RPS6KA2: variants seen among roughly 807,000 people sequenced by gnomAD.
The protein encoded by RPS6KA2 is ribosomal protein S6 kinase alpha-2.
Under a neutral mutation model 91.8 loss-of-function variants are expected in RPS6KA2, and 42 were observed. The observed-to-expected ratio is 0.46, with a 90% CI of 0.36 to 0.59. The LOEUF is 0.59. Ranked by LOEUF, RPS6KA2 falls within the 20% of genes least tolerant of loss-of-function variation. The pLI is 0.00. For synonymous variants in RPS6KA2, 414 were observed against 393.6 expected, an observed-to-expected ratio of 1.05 and a Z score of -0.61; for missense variants, 798 against 978.5, an observed-to-expected ratio of 0.82 and a Z score of 2.46.
chr6:166,607,067 G>A (rs1431713228), intron 1 of RPS6KA2, among the ~76,000 whole-genome samples: 7 of 151,684 alleles, frequency 4.6e-5, no homozygotes, highest in East Asian at 1.9e-4. Flanking sequence ...GCTTGAACCC[G>A]GGATGCAGAG....
intron 16 of RPS6KA2, among the ~76,000 whole-genome samples, chr6:166,426,118 C>T (rs1247378769): frequency 6.6e-6 from 1 of 152,126 alleles, no homozygotes; most frequent in Non-Finnish European, 1.5e-5. Context: ...GACCACAGTG[C>T]AATCAAACTA....
At chr6:166,506,099 A>G (rs1046163756) in intron 5 of RPS6KA2, among the ~76,000 whole-genome samples, 2 of 151,318 alleles carry the variant, frequency 1.3e-5, no homozygotes, top group Non-Finnish European at 3.0e-5. Flanking sequence ...CGTACTTGCT[A>G]AATGACGACC....
chr6:166,606,700 C>T (rs1027261730), intron 1 of RPS6KA2, among the ~76,000 whole-genome samples: 1 of 152,172 alleles, frequency 6.6e-6, no homozygotes, highest in Non-Finnish European at 1.5e-5. Context: ...TGTGACATTT[C>T]TCCAAAAACA....
At chr6:166,608,741 T>C (rs1786046660) in intron 1 of RPS6KA2, among the ~76,000 whole-genome samples, 1 of 152,194 alleles carries the variant, frequency 6.6e-6, no homozygotes, top group African/African-American at 2.4e-5. Flanking sequence ...AAAGAAAGAC[T>C]TTCTCAACTT....
intron 2 of RPS6KA2, among the ~76,000 whole-genome samples, chr6:166,837,734 C>G (rs1465926538): frequency 6.6e-6 from 1 of 152,220 alleles, no homozygotes; most frequent in Non-Finnish European, 1.5e-5. Context: ...GCCACCTGGC[C>G]GCCCTGCTCC....
intron 10 of RPS6KA2, among the ~76,000 whole-genome samples, chr6:166,486,622 C>T (rs533349744): frequency 6.6e-6 from 1 of 152,368 alleles, no homozygotes; most frequent in Non-Finnish European, 1.5e-5. Context: ...TTTCCACAGA[C>T]ACCAGCATGG....
chr6:166,782,159 G>C (rs996816467), intron 2 of RPS6KA2, among the ~76,000 whole-genome samples: 14 of 152,104 alleles, frequency 9.2e-5, no homozygotes, highest in African/African-American at 3.4e-4. Context: ...AGGTGTAGTG[G>C]TGAGCGCCTG....
At chr6:166,506,555 C>T (rs1782232374) in intron 5 of RPS6KA2, among the ~76,000 whole-genome samples, 1 of 152,204 alleles carries the variant, frequency 6.6e-6, no homozygotes. Context: ...TCCCAAAGGC[C>T]TTTGTGTAGA....
intron 2 of RPS6KA2, among the ~76,000 whole-genome samples, chr6:166,716,818 TACA>T: frequency 6.6e-6 from 1 of 152,364 alleles, no homozygotes; most frequent in East Asian, 1.9e-4. Context: ...TTTTGATGGA[TACA>T]ACTTTTCCAA....
chr6:166,471,321 C>A (rs920450824), intron 10 of RPS6KA2, among the ~76,000 whole-genome samples: 4 of 152,166 alleles, frequency 2.6e-5, no homozygotes, highest in Non-Finnish European at 4.4e-5. Flanking sequence ...CGTGTCCTGA[C>A]CCCTCCCACC....
chr6:166,725,468 C>T (rs992703284), intron 2 of RPS6KA2, among the ~76,000 whole-genome samples: 1 of 152,344 alleles, frequency 6.6e-6, no homozygotes, highest in East Asian at 1.9e-4. Context: ...CCTTCAGCCT[C>T]CTAGCCCAGC....
At chr6:166,844,303 G>A (rs1482886609) in intron 2 of RPS6KA2, among the ~76,000 whole-genome samples, 4 of 152,158 alleles carry the variant, frequency 2.6e-5, no homozygotes, top group African/African-American at 9.7e-5. Context: ...AGAATAATTG[G>A]TGTTCCCGAG....
chr6:166,727,995 C>T (rs996818045), intron 2 of RPS6KA2, among the ~76,000 whole-genome samples: 7 of 152,160 alleles, frequency 4.6e-5, no homozygotes, highest in Admixed American at 1.3e-4. Context: ...AGACTTTTTC[C>T]CTTGTCATCA....
At chr6:166,862,221 TAAAC>T (rs775180900) in exon 1 of RPS6KA2, 60 of 1,612,998 alleles carry the variant, frequency 3.7e-5, no homozygotes, top group Non-Finnish European at 4.7e-5. Context: ...GGAAAGGAAA[TAAAC>T]AGAGGCTCGG....
chr6:166,843,392 C>T (rs1427952024), intron 2 of RPS6KA2, among the ~76,000 whole-genome samples: 1 of 152,176 alleles, frequency 6.6e-6, no homozygotes, highest in Non-Finnish European at 1.5e-5. Flanking sequence ...CAAGGGCAAG[C>T]TTGTCTTCTC....
chr6:166,613,784 G>A (rs1583327389), intron 1 of RPS6KA2, among the ~76,000 whole-genome samples: 2 of 149,748 alleles, frequency 1.3e-5, no homozygotes, highest in South Asian at 2.1e-4. Flanking sequence ...GGCTTTCCAC[G>A]GCCTTCAGGA....
At chr6:166,813,540 C>T (rs1382723998) in intron 2 of RPS6KA2, among the ~76,000 whole-genome samples, 1 of 152,184 alleles carries the variant, frequency 6.6e-6, no homozygotes, top group African/African-American at 2.4e-5. Context: ...GTCTTGCATT[C>T]TGGATGCTAG....
At chr6:166,824,640 T>A (rs1186977801) in intron 2 of RPS6KA2, among the ~76,000 whole-genome samples, 1 of 71,970 alleles carries the variant, frequency 1.4e-5, no homozygotes, top group Non-Finnish European at 3.5e-5. Flanking sequence ...TGGGTGTCTG[T>A]ATGTCTGTGT....
chr6:166,766,696 A>G (rs1280116386), intron 2 of RPS6KA2, among the ~76,000 whole-genome samples: 1 of 152,188 alleles, frequency 6.6e-6, no homozygotes, highest in East Asian at 1.9e-4. Flanking sequence ...CTACAGCACT[A>G]TTTTCTGCTG....
Sources: allele counts gnomAD v4.1 joint callset (sites outside exome capture counted in the v4.1 genomes callset), GRCh38; gene constraint gnomAD v4.1.1; transcripts MANE v1.5; gene names NCBI Gene and HGNC (gene_info 2026-07-23, HGNC 2026-07-21).